The following ZNF385D variants were observed in gnomAD, a reference collection of about 807,000 sequenced individuals.
The protein encoded by ZNF385D is zinc finger protein 385D.
ZNF385D carries 15 observed loss-of-function variants against 35.8 expected under a neutral mutation model. That is an observed-to-expected ratio of 0.42 (90% CI 0.28 to 0.64). The LOEUF (loss-of-function observed/expected upper bound fraction) is 0.64. Among genes scored for constraint, ZNF385D ranks in the 30% least tolerant of loss-of-function variants. The pLI is 0.23. For synonymous variants in ZNF385D, 212 were observed against 186.8 expected (o/e 1.13, Z -1.10); for missense variants, 474 against 494.6 (o/e 0.96, Z 0.39).
At chr3:22,069,618 T>C (rs1700134439) in intron 3 of ZNF385D, among the ~76,000 whole-genome samples, 1 of 152,188 alleles carries the variant, frequency 6.6e-6, no homozygotes, top group African/African-American at 2.4e-5. Context: ...TTTTTTGGCC[T>C]CTAAGAATAA....
chr3:21,724,477 C>CAAAAAAAAAAAAAAAAAAAA (rs200803155), intron 1 of ZNF385D, among the ~76,000 whole-genome samples: 8 of 52,018 alleles, frequency 1.5e-4, no homozygotes, highest in African/African-American at 3.2e-4. Context: ...AATGGAAAGC[C>CAAAAAAAAAAAAAAAAAAAA]AAAAAAAAAA....
chr3:22,040,724 C>T (rs903431362), intron 3 of ZNF385D, among the ~76,000 whole-genome samples: 4 of 152,064 alleles, frequency 2.6e-5, no homozygotes, highest in African/African-American at 9.7e-5. Context: ...AAAAGACTAT[C>T]TTATTCAATT....
intron 3 of ZNF385D, among the ~76,000 whole-genome samples, chr3:21,999,391 G>C (rs1000212913): frequency 2.6e-5 from 4 of 151,876 alleles, no homozygotes; most frequent in African/African-American, 9.7e-5. Flanking sequence ...TTAGTGTATG[G>C]GATGACAATA....
intron 2 of ZNF385D, among the ~76,000 whole-genome samples, chr3:22,202,101 C>T (rs1412105811): frequency 6.6e-6 from 1 of 151,904 alleles, no homozygotes; most frequent in African/African-American, 2.4e-5. Flanking sequence ...GATTATTTGC[C>T]TTTCTTTAGT....
At chr3:22,342,527 C>A (rs1167722993) in intron 2 of ZNF385D, among the ~76,000 whole-genome samples, 1 of 151,876 alleles carries the variant, frequency 6.6e-6, no homozygotes, top group Non-Finnish European at 1.5e-5. Flanking sequence ...CATATATATC[C>A]CATAATCTCT....
intron 2 of ZNF385D, among the ~76,000 whole-genome samples, chr3:22,192,541 C>T (rs1206903732): frequency 6.6e-6 from 1 of 152,102 alleles, no homozygotes; most frequent in Admixed American, 6.6e-5. Context: ...TGAGGGAAAC[C>T]AGCTGCCATG....
At chr3:21,812,296 G>A (rs1356942836) in intron 3 of ZNF385D, among the ~76,000 whole-genome samples, 2 of 152,246 alleles carry the variant, frequency 1.3e-5, no homozygotes, top group Non-Finnish European at 2.9e-5. Flanking sequence ...CGCAGAAGAT[G>A]GGTGATTTCT....
At chr3:21,598,473 A>G (rs1203909452) in intron 2 of ZNF385D, among the ~76,000 whole-genome samples, 1 of 152,248 alleles carries the variant, frequency 6.6e-6, no homozygotes, top group Non-Finnish European at 1.5e-5. Context: ...CAACTGGAAC[A>G]TCATATGTGA....
At chr3:22,185,174 A>T (rs1695546448) in intron 2 of ZNF385D, among the ~76,000 whole-genome samples, 1 of 151,360 alleles carries the variant, frequency 6.6e-6, no homozygotes, top group Non-Finnish European at 1.5e-5. Flanking sequence ...AGGTTGTAGA[A>T]ACTTTAAAAT....
chr3:22,298,463 TATAA>T (rs1309968023), intron 2 of ZNF385D, among the ~76,000 whole-genome samples: 3 of 124,602 alleles, frequency 2.4e-5, no homozygotes, highest in South Asian at 4.8e-4. Flanking sequence ...ATATATAATA[TATAA>T]ATATACATAA....
chr3:21,953,478 TTAAA>T (rs1385690589), intron 3 of ZNF385D, among the ~76,000 whole-genome samples: 1 of 152,082 alleles, frequency 6.6e-6, no homozygotes, highest in African/African-American at 2.4e-5. Flanking sequence ...TTCAGCAAGA[TTAAA>T]TATTTACATC....
intron 2 of ZNF385D, among the ~76,000 whole-genome samples, chr3:22,357,560 G>T (rs999409394): frequency 6.6e-6 from 1 of 151,780 alleles, no homozygotes; most frequent in Non-Finnish European, 1.5e-5. Flanking sequence ...GTCAGGATAT[G>T]CTAGGTTATG....
chr3:22,130,192 T>C (rs933794575), intron 3 of ZNF385D, among the ~76,000 whole-genome samples: 2 of 152,110 alleles, frequency 1.3e-5, no homozygotes, highest in African/African-American at 4.8e-5. Context: ...GGAATCCAAG[T>C]TGCAAGACAA....
intron 3 of ZNF385D, among the ~76,000 whole-genome samples, chr3:22,137,716 C>T (rs569179951): frequency 1.3e-5 from 2 of 152,212 alleles, no homozygotes; most frequent in African/African-American, 4.8e-5. Context: ...CAATATCATA[C>T]TGAATGGACA....
chr3:22,327,588 T>A (rs908055442), intron 2 of ZNF385D, among the ~76,000 whole-genome samples: 2 of 152,316 alleles, frequency 1.3e-5, no homozygotes, highest in East Asian at 1.9e-4. Flanking sequence ...CAAATCTCCA[T>A]GTAGGTCCAT....
chr3:21,955,334 G>GA (rs142545655), intron 3 of ZNF385D, among the ~76,000 whole-genome samples: 8 of 151,916 alleles, frequency 5.3e-5, no homozygotes, highest in Non-Finnish European at 1.2e-4. Flanking sequence ...GGGCATGAAA[G>GA]AAAAAACAAA....
chr3:21,516,260 G>T (rs1243811579), intron 3 of ZNF385D, among the ~76,000 whole-genome samples: 4 of 152,142 alleles, frequency 2.6e-5, no homozygotes, highest in Non-Finnish European at 5.9e-5. Flanking sequence ...ACTGCAGTAC[G>T]ACGGTGTCAG....
At chr3:22,274,774 G>T (rs9811239) in intron 2 of ZNF385D, among the ~76,000 whole-genome samples, 84,112 of 150,490 alleles carry the variant, frequency 0.56, 25,521 homozygotes, top group African/African-American at 0.82. Flanking sequence ...GGATTCCAAC[G>T]AAGTTAGTAC....
intron 3 of ZNF385D, among the ~76,000 whole-genome samples, chr3:22,042,191 C>T (rs554271451): frequency 1.3e-5 from 2 of 152,158 alleles, no homozygotes; most frequent in South Asian, 2.1e-4. Context: ...TGTCACGGCT[C>T]ACTAGTTATG....
Sources: gnomAD v4.1 joint callset for allele counts (sites outside exome capture counted in the v4.1 genomes callset) on GRCh38, gnomAD v4.1.1 for gene constraint, MANE v1.5 for transcripts, NCBI Gene and HGNC (gene_info 2026-07-23, HGNC 2026-07-21) for gene names.